GSK3A: variants seen among roughly 807,000 people sequenced by gnomAD.
The protein encoded by GSK3A is glycogen synthase kinase 3 alpha, also known as glycogen synthase kinase-3 alpha.
In GSK3A, 14 loss-of-function variants were observed where a neutral mutation model predicts 56.6. The ratio of observed to expected loss-of-function variants is 0.25; its 90% confidence interval spans 0.16 to 0.39. The LOEUF (loss-of-function observed/expected upper bound fraction) is 0.39. GSK3A is among the 10% of genes least tolerant of loss of function. The pLI, the probability that GSK3A is intolerant of heterozygous loss-of-function variation, is 1.00. For synonymous variants in GSK3A, 301 were observed against 285.0 expected, an observed-to-expected ratio of 1.06 and a Z score of -0.56; for missense variants, 450 against 656.0, an observed-to-expected ratio of 0.69 and a Z score of 3.43.
chr19:42,237,704 T>A (rs534807885), intron 2 of GSK3A, among the ~76,000 whole-genome samples: 2 of 149,306 alleles, frequency 1.3e-5, no homozygotes, highest in Admixed American at 1.3e-4. Flanking sequence ...GGTGAAACCC[T>A]GTCTCTACTA....
At chr19:42,241,469 G>A (rs1227564435) in intron 1 of GSK3A, 3 of 151,984 alleles carry the variant, frequency 2.0e-5, no homozygotes, top group Non-Finnish European at 4.4e-5. Context: ...TTCCATTTTT[G>A]TTAAAGGAGA....
rs1555748916 is a variant in GSK3A at position 42,242,378 on chromosome 19, C to A, written c.88G>T (p.Gly30Ter). The A allele has an allele frequency of 7.2e-7, 1 of 1,391,560 alleles. No homozygotes were observed. The allele number at this position is 1,391,560 out of a possible 1,614,324, so 86.2% of individuals were successfully genotyped here. Residue 30 changes from glycine (G) to a stop codon, truncating the protein, a stop_gained, in exon 1 of 11, where the codon GGA (glycine) becomes TGA (stop). Coordinates refer to ENST00000222330, the MANE Select transcript of GSK3A (RefSeq NM_019884.3). LOFTEE classifies it high-confidence loss of function. ...CCTCCGGGGCCGCCGCCGCCTCCTC[C>A]GCCTCCGCCGCCGGGCTCCGCGAAC... ...SSFAEPGGGGGGGGGGPGGSA... is the reference protein window; with the variant it reads ...SSFAEPGGGG
At chr19:42,239,411 CCTT>C (rs1372622850) in intron 2 of GSK3A, among the ~76,000 whole-genome samples, 2 of 152,216 alleles carry the variant, frequency 1.3e-5, no homozygotes. Context: ...TCCTCCATCT[CCTT>C]CTAGTTCCCT....
chr19:42,232,157 C>A lies in GSK3A; in HGVS notation c.1286-8G>T. The A allele has an allele frequency of 6.6e-7, 1 of 1,513,778 alleles. No homozygotes were observed. The highest frequency in any genetic ancestry group is 1.7e-4 in the Middle Eastern group (1 of 5,892). 93.8% of individuals were successfully genotyped at this position (1,513,778 alleles called of 1,614,324 possible). A position where few individuals can be genotyped will look rare whatever the true frequency, so the allele number is the denominator to read the frequency against. ...ACGGTTGGATGGAGAGTTCTAGAAACAGGAATTGACATGCTAGTCAGGGTA... is the reference window on the plus strand; with the variant it reads ...ACGGTTGGATGGAGAGTTCTAGAAAAAGGAATTGACATGCTAGTCAGGGTA... On this transcript the variant is annotated splice_polypyrimidine_tract_variant and splice_region_variant and intron_variant, in intron 9 of 10. Coordinates refer to ENST00000222330, the MANE Select transcript of GSK3A (RefSeq NM_019884.3).
chr19:42,232,203 G>T, intron 9 of GSK3A, 54 bp from the exon 10 acceptor site: 2 of 1,136,562 alleles, frequency 1.8e-6, no homozygotes, highest in South Asian at 1.3e-5. Context: ...GGGTTATGAT[G>T]GGCACCAAAT....
chr19:42,241,891 C>T, intron 1 of GSK3A: 1 of 319,778 alleles, frequency 3.1e-6, no homozygotes, highest in East Asian at 4.8e-5. Context: ...TGAATAGCAA[C>T]ATCAGATACC....
Position 42,232,124 on chromosome 19 carries a change from G to A in GSK3A, c.1311C>T (p.Asn437=), listed in dbSNP as rs562611851. ...TCAAGTGAGGAGGGATGAGAATGGC[G>A]TTGAGAGACGGTTGGATGGAGAGTT... ...AGELSIQPSL[N]AILIPPHLRS... The change falls in exon 10 of 11, where the codon AAC becomes AAT. Residue 437 remains asparagine (N), a synonymous_variant. Coordinates refer to ENST00000222330, the MANE Select transcript of GSK3A (RefSeq NM_019884.3). 5.0e-5 allele frequency: 81 copies of A among 1,606,166 alleles called. No homozygotes were observed. The Admixed American group carries it at 6.9e-4, about 14-fold the overall frequency.
intron 4 of GSK3A, 145 bp downstream of exon 4, chr19:42,236,461 G>C (rs1251091786): frequency 1.5e-6 from 1 of 655,712 alleles, no homozygotes; most frequent in African/African-American, 1.8e-5. Flanking sequence ...CTCCATCTCG[G>C]GGGGTTATGG....
chr19:42,230,470 A>G lies in GSK3A; in HGVS notation c.*324T>C. 1 of 353,878 alleles carries G rather than the reference A, an allele frequency of 2.8e-6. No individual in the cohort carries two copies. 21.9% of individuals were successfully genotyped at this position (353,878 alleles called of 1,614,324 possible). A position where few individuals can be genotyped will look rare whatever the true frequency, so the allele number is the denominator to read the frequency against. ...AGAGGAGACGGGCTGGGCTGGTTCT[A>G]TTTACAAGGGACACAGGAGGGGAGG... On this transcript the variant is annotated 3_prime_UTR_variant, in exon 11 of 11. Transcript: ENST00000222330.
intron 6 of GSK3A, among the ~76,000 whole-genome samples, chr19:42,233,648 T>G (rs1018534299): frequency 1.3e-5 from 2 of 152,134 alleles, no homozygotes; most frequent in Admixed American, 1.3e-4. Flanking sequence ...CCCGCTAGCC[T>G]TGGACGACAG....
In GSK3A at chr19:42,230,541, G is replaced by A. The variant is rs2036216542; in HGVS notation, c.*253C>T. 3.7e-6 allele frequency: 2 copies of A among 545,162 alleles called. No individual in the cohort carries two copies. The highest frequency in any genetic ancestry group is 3.0e-5 in the East Asian group (1 of 33,278). 33.8% of individuals were successfully genotyped at this position (545,162 alleles called of 1,614,324 possible). A position where few individuals can be genotyped will look rare whatever the true frequency, so the allele number is the denominator to read the frequency against. On this transcript the variant is annotated 3_prime_UTR_variant, in exon 11 of 11. Transcript: ENST00000222330. ...TCTGGGGGAGGGGAGGGGGCCAAGG[G>A]GGTAGGAGGTCCTCATCCCCCCAAC...
Position 42,234,772 on chromosome 19 carries a change from C to A in GSK3A, c.667-94G>T. The A allele has an allele frequency of 7.7e-7, 1 of 1,291,592 alleles. No homozygotes were observed. The allele number at this position is 1,291,592 out of a possible 1,614,324, so 80.0% of individuals were successfully genotyped here. Reference sequence around the variant, plus strand: ...TTGGCCTGAAGAGCCCTTCCAGGCCCACTCTCCCTGCTGCCCCCACAGCTT... The same window carrying A: ...TTGGCCTGAAGAGCCCTTCCAGGCCAACTCTCCCTGCTGCCCCCACAGCTT... On this transcript the variant is annotated intron_variant, in intron 4 of 10. Coordinates refer to ENST00000222330, the MANE Select transcript of GSK3A (RefSeq NM_019884.3). This position sits in a 1 kb window ranked among gnomAD's most constrained non-coding sequence, Gnocchi z 5.7.
intron 8 of GSK3A, 108 bp downstream of exon 8, chr19:42,233,002 T>C (rs2036233929): frequency 1.3e-6 from 1 of 750,968 alleles, no homozygotes; most frequent in African/African-American, 1.8e-5. Flanking sequence ...TGGATAACTC[T>C]TCAAATCCTC....
At position 42,232,537 on chromosome 19, in the gene GSK3A, T is replaced by C; in HGVS notation, c.1244A>G (p.Asn415Ser). 1 of 1,614,122 alleles carries C rather than the reference T, an allele frequency of 6.2e-7. No homozygotes were observed. The change falls in exon 9 of 11, where the codon AAC becomes AGC. Residue 415 changes from asparagine to serine, a missense_variant. Physicochemically the swap from Asn to Ser is conservative, Grantham distance 46. Around this residue, in one of 3 missense-constraint regions of GSK3A, gnomAD observed 113 missense variants for 147.5 expected, o/e 0.77. Coordinates refer to ENST00000222330, the MANE Select transcript of GSK3A (RefSeq NM_019884.3). ...ELRCLGTQLP[N>S]NRPLPPLFNF... ...GAAGAGAGGGGGAAGTGGGCGGTTGTTAGGCAGCTGGGTTCCCAGACATCG... is the reference window on the plus strand; with the variant it reads ...GAAGAGAGGGGGAAGTGGGCGGTTGCTAGGCAGCTGGGTTCCCAGACATCG...
intron 4 of GSK3A, among the ~76,000 whole-genome samples, chr19:42,235,770 C>A (rs2036253172): frequency 6.6e-6 from 1 of 152,206 alleles, no homozygotes; most frequent in African/African-American, 2.4e-5. Flanking sequence ...GAGAGCTCTT[C>A]AAGGCCAAGG....
At position 42,232,660 on chromosome 19, in the gene GSK3A, G is replaced by T. The variant is rs1456790864; in HGVS notation, c.1121C>A (p.Pro374Gln). The change falls in exon 9 of 11, where the codon CCA becomes CAA. Residue 374 changes from proline (P) to glutamine (Q), a missense_variant. By Grantham distance (76) the Pro-to-Gln change is moderately conservative. Coordinates refer to ENST00000222330, the MANE Select transcript of GSK3A (RefSeq NM_019884.3). ...GCTAGAGCAGAGCGCGATGGCCTCTGGCGGCGTTCGAGATTTGAACACCTG... is the reference window on the plus strand; with the variant it reads ...GCTAGAGCAGAGCGCGATGGCCTCTTGCGGCGTTCGAGATTTGAACACCTG... ...WTKVFKSRTP[P>Q]EAIALCSSLL... 1 of 1,587,208 alleles carries T rather than the reference G, an allele frequency of 6.3e-7. No individual in the cohort carries two copies. Among genetic ancestry groups the T allele is most frequent in the Non-Finnish European group, 8.6e-7 (1 of 1,163,900 alleles).
chr19:42,231,401 G>T (rs1257180473), intron 10 of GSK3A, among the ~76,000 whole-genome samples: 3 of 151,934 alleles, frequency 2.0e-5, no homozygotes, highest in South Asian at 2.1e-4. Flanking sequence ...CAGTAGGATG[G>T]GCGGGCCCAT....
chr19:42,242,451 C>T lies in GSK3A; in HGVS notation c.15G>A (p.Gly5=). The part of the protein sequence containing the change: MSGG[G]PSGGGPGGSG... ...AGCCCCCAGGGCCGCCTCCCGAAGG[C>T]CCGCCGCCGCTCATGGCGCCGAGCA... The change falls in exon 1 of 11, where the codon GGG becomes GGA. Residue 5 remains glycine (G), a synonymous_variant. Coordinates refer to ENST00000222330, the MANE Select transcript of GSK3A (RefSeq NM_019884.3). 8.0e-7 allele frequency: 1 copy of T among 1,249,080 alleles called. No individual in the cohort carries two copies. Among genetic ancestry groups the T allele is most frequent in the Non-Finnish European group, 1.0e-6 (1 of 995,998 alleles). The allele number at this position is 1,249,080 out of a possible 1,614,324, so 77.4% of individuals were successfully genotyped here.
rs997454591 is a variant in GSK3A, at chr19:42,234,984, G to A, written c.667-306C>T. Among the ~76,000 whole-genome samples the A allele has an allele frequency of 1.3e-5, 2 of 152,060 alleles. No homozygotes were observed. The highest frequency in any genetic ancestry group is 2.4e-5 in the African/African-American group (1 of 41,396). The stretch of plus-strand genomic sequence containing the variant: ...TCTACTAAAAATACAAAAATTAGCC[G>A]GGCGTGGTGGTGCACACCTGTAATC... On this transcript the variant is annotated intron_variant, in intron 4 of 10. Coordinates refer to ENST00000222330, the MANE Select transcript of GSK3A (RefSeq NM_019884.3). This position sits in a 1 kb window ranked among gnomAD's most constrained non-coding sequence, Gnocchi z 5.7.
Sources: allele counts gnomAD v4.1 joint callset (sites outside exome capture counted in the v4.1 genomes callset), GRCh38; gene constraint gnomAD v4.1.1; regional missense constraint gnomAD v4.1.1; non-coding constraint Gnocchi (gnomAD v3.1); transcripts MANE v1.5; gene names NCBI Gene and HGNC (gene_info 2026-07-23, HGNC 2026-07-21).